The following PPFIBP2 variants were observed in gnomAD, a reference collection of about 807,000 sequenced individuals.
PPFIBP2 encodes PPFIB scaffold protein 2.
A neutral mutation model predicts 118.3 loss-of-function variants in PPFIBP2; 118 were observed. That is an observed-to-expected ratio of 1.00 (90% confidence interval 0.86 to 1.16). The LOEUF (loss-of-function observed/expected upper bound fraction) is 1.16. Among genes scored for constraint, PPFIBP2 ranks in the 50% most tolerant of loss-of-function variants. The probability of loss-of-function intolerance (pLI) is 0.00; values close to 1 mark genes in which losing one functional copy is unlikely to be tolerated. For missense variants in PPFIBP2, 1,195 were observed against 1,073.1 expected (o/e 1.11, Z -1.59); for synonymous variants, 414 against 397.4 (o/e 1.04, Z -0.50).
chr11:7,606,541 T>G (rs1288496626), intron 5 of PPFIBP2, among the ~76,000 whole-genome samples: 2 of 152,120 alleles, frequency 1.3e-5, no homozygotes, highest in African/African-American at 4.8e-5. Flanking sequence ...TAGAAGAGAA[T>G]AAGTAAATGT....
Position 7,653,156 on chromosome 11 carries a change from G to A in PPFIBP2, c.2569G>A (p.Gly857Ser). 6.2e-7 allele frequency: 1 copy of A among 1,614,190 alleles called. No homozygotes were observed. Among genetic ancestry groups the A allele is most frequent in the Non-Finnish European group, 8.5e-7 (1 of 1,180,020 alleles). Reference sequence around the variant, plus strand: ...TCACAGGGTCTACAGTGGCTACCGGGGCCTCAGCCCCCTTGATGCCCCTGA... The same window carrying A: ...TCACAGGGTCTACAGTGGCTACCGGAGCCTCAGCCCCCTTGATGCCCCTGA... Reference protein sequence around the residue: ...DSHRVYSGYRGLSPLDAPELD... With the variant: ...DSHRVYSGYRSLSPLDAPELD... The change falls in exon 24 of 24, where the codon GGC becomes AGC. Residue 857 changes from glycine to serine, a missense_variant. Gly to Ser is a moderately conservative substitution (Grantham distance 56). Coordinates refer to ENST00000299492, the MANE Select transcript of PPFIBP2 (RefSeq NM_003621.5).
chr11:7,607,860 T>C (rs938814284), intron 5 of PPFIBP2, among the ~76,000 whole-genome samples: 2 of 152,232 alleles, frequency 1.3e-5, no homozygotes, highest in African/African-American at 2.4e-5. Context: ...ATTTTTATGA[T>C]TTATTTTTTA....
At chr11:7,664,585 C>T in the PPFIBP2 span, among the ~76,000 whole-genome samples, 1 of 152,298 alleles carries the variant, frequency 6.6e-6, no homozygotes, top group Middle Eastern at 3.4e-3. Context: ...AAATCACCCT[C>T]AGTTGAGAAC....
chr11:7,597,382 C>CT, intron 4 of PPFIBP2, 178 bp from the exon 5 acceptor site: 1 of 1,536,820 alleles, frequency 6.5e-7, no homozygotes, highest in African/African-American at 1.4e-5. Context: ...AGGTAAGAAT[C>CT]TAACTGCAGC....
At chr11:7,634,403 G>T in intron 12 of PPFIBP2, 92 bp from the exon 13 acceptor site, 1 of 1,023,646 alleles carries the variant, frequency 9.8e-7, no homozygotes, top group Non-Finnish European at 1.5e-6. Context: ...CTAAGCCCAA[G>T]ACCATCGGTT....
chr11:7,572,148 G>A (rs150441487), intron 3 of PPFIBP2: 1 of 152,254 alleles, frequency 6.6e-6, no homozygotes, highest in African/African-American at 2.4e-5. Context: ...TGGATGTGGG[G>A]AGACCTCTCC....
At chr11:7,663,418 C>T in the PPFIBP2 span, among the ~76,000 whole-genome samples, 370 of 151,988 alleles carry the variant, frequency 2.4e-3, 2 homozygotes, top group African/African-American at 7.1e-3. Context: ...TGTGAGGTGT[C>T]GGTGTGCCCC....
chr11:7,580,958 C>T (rs1857182347), intron 3 of PPFIBP2, among the ~76,000 whole-genome samples: 1 of 152,196 alleles, frequency 6.6e-6, no homozygotes, highest in Admixed American at 6.5e-5. Flanking sequence ...AGCTTTATGA[C>T]CCTTCCCATA....
At chr11:7,643,818 AT>A (rs995837585) in intron 17 of PPFIBP2, among the ~76,000 whole-genome samples, 14 of 151,804 alleles carry the variant, frequency 9.2e-5, no homozygotes, top group South Asian at 2.1e-4. Flanking sequence ...AAAACAATTG[AT>A]TTTTTTTTAA....
At chr11:7,515,299 C>G (rs1297064100) in intron 1 of PPFIBP2, among the ~76,000 whole-genome samples, 5 of 152,148 alleles carry the variant, frequency 3.3e-5, no homozygotes, top group Non-Finnish European at 7.3e-5. Flanking sequence ...ATTAGTAATA[C>G]TATTTTAAGA....
chr11:7,542,075 T>C (rs1308128078), intron 1 of PPFIBP2, among the ~76,000 whole-genome samples: 1 of 152,184 alleles, frequency 6.6e-6, no homozygotes, highest in Non-Finnish European at 1.5e-5. Context: ...GAGTAATCCT[T>C]TTAAAAGGTT....
At chr11:7,540,445 C>T (rs1448901591) in intron 1 of PPFIBP2, among the ~76,000 whole-genome samples, 1 of 152,092 alleles carries the variant, frequency 6.6e-6, no homozygotes, top group African/African-American at 2.4e-5. Flanking sequence ...AGGTTTTTAT[C>T]TTGGTGACCA....
At chr11:7,609,957 T>TA (rs137988496) in intron 5 of PPFIBP2, among the ~76,000 whole-genome samples, 6,602 of 152,296 alleles carry the variant, frequency 0.043, 237 homozygotes, top group African/African-American at 0.092. Context: ...CTTTGTCTTT[T>TA]AAAAAATTGA....
At chr11:7,650,000 G>T (rs2136004644) in intron 21 of PPFIBP2, among the ~76,000 whole-genome samples, 1 of 152,308 alleles carries the variant, frequency 6.6e-6, no homozygotes, top group African/African-American at 2.4e-5. Context: ...AGAGACAGAG[G>T]AGGGGGAAGA....
intron 17 of PPFIBP2, among the ~76,000 whole-genome samples, chr11:7,646,292 T>G (rs375254464): frequency 2.0e-5 from 3 of 152,326 alleles, no homozygotes; most frequent in South Asian, 4.1e-4. Flanking sequence ...AGCCATAGCG[T>G]TAGAAAACTT....
At chr11:7,666,916 A>G in the PPFIBP2 span, 1 of 181,384 alleles carries the variant, frequency 5.5e-6, no homozygotes, top group Non-Finnish European at 1.2e-5. Flanking sequence ...AACTGGAACA[A>G]GCTCAGTGCA....
At chr11:7,641,311 C>G (rs549848140) in intron 15 of PPFIBP2, among the ~76,000 whole-genome samples, 168 bp from the exon 16 acceptor site, 2 of 152,340 alleles carry the variant, frequency 1.3e-5, no homozygotes, top group East Asian at 1.9e-4. Flanking sequence ...AGCAAGGAAG[C>G]CTGGAGTCCC....
At chr11:7,555,677 T>C (rs73409060) in intron 2 of PPFIBP2, among the ~76,000 whole-genome samples, 5 of 152,168 alleles carry the variant, frequency 3.3e-5, no homozygotes, top group Non-Finnish European at 5.9e-5. Context: ...AAGACTGCCC[T>C]TTGTATGAAG....
At position 7,576,111 on chromosome 11, in the gene PPFIBP2, G is replaced by A. The variant is rs79156328; in HGVS notation, c.279+10344G>A. Among the ~76,000 whole-genome samples the A allele has an allele frequency of 4.6e-3, 701 of 152,354 alleles. 10 individuals carry two copies. Among genetic ancestry groups the A allele is most frequent in the African/African-American group, 0.016 (667 of 41,580 alleles). On this transcript the variant is annotated intron_variant, in intron 3 of 23. Coordinates refer to ENST00000299492, the MANE Select transcript of PPFIBP2 (RefSeq NM_003621.5). The stretch of plus-strand genomic sequence containing the variant: ...TGGTGGACATTGAAGCCATGCTGAG[G>A]GGCATGCGGCATGAGGGGCATGAAG...
Sources: gnomAD v4.1 joint callset for allele counts (sites outside exome capture counted in the v4.1 genomes callset) on GRCh38, gnomAD v4.1.1 for gene constraint, MANE v1.5 for transcripts, NCBI Gene and HGNC (gene_info 2026-07-23, HGNC 2026-07-21) for gene names.